Variants in NCOR1 observed in about 807,000 individuals in gnomAD.
The protein encoded by NCOR1 is protein phosphatase 1, regulatory subunit 109.
NCOR1 carries 63 observed loss-of-function variants against 288.1 expected under a neutral mutation model. The observed-to-expected ratio is 0.22, with a 90% CI of 0.18 to 0.27. The LOEUF is 0.27. NCOR1 is among the 10% of genes least tolerant of loss of function. The probability of loss-of-function intolerance (pLI) is 1.00; values close to 1 mark genes in which losing one functional copy is unlikely to be tolerated. For synonymous variants in NCOR1, 1,007 were observed against 1,065.9 expected (o/e 0.94, Z 1.08); for missense variants, 2,397 against 3,019.2 (o/e 0.79, Z 4.83).
Position 16,125,316 on chromosome 17 carries a change from T to C in NCOR1, c.1634+766A>G, listed in dbSNP as rs1009842140. Among the ~76,000 whole-genome samples the C allele has an allele frequency of 5.9e-5, 9 of 152,102 alleles. 1 individual carries two copies. The South Asian group carries it at 6.2e-4, about 11-fold the overall frequency. On this transcript the variant is annotated intron_variant, in intron 15 of 45. Coordinates refer to ENST00000268712, the MANE Select transcript of NCOR1 (RefSeq NM_006311.4). The stretch of plus-strand genomic sequence containing the variant: ...AGGCAGAGGTTGCAGTGAGCCAAGA[T>C]TGCGCCACTGCACTCCAGCCTGGGC...
intron 1 of NCOR1, among the ~76,000 whole-genome samples, chr17:16,202,924 A>G (rs534910668): frequency 2.0e-5 from 3 of 152,256 alleles, no homozygotes; most frequent in Non-Finnish European, 4.4e-5. Context: ...CAGAACTATC[A>G]AACACCTGTG....
At chr17:16,127,727 A>ATGTATATATGTGTGTG (rs2074952366) in intron 14 of NCOR1, among the ~76,000 whole-genome samples, 1 of 122,060 alleles carries the variant, frequency 8.2e-6, no homozygotes, top group African/African-American at 3.0e-5. Flanking sequence ...ATATACATAT[A>ATGTATATATGTGTGTG]TGTGTATATA....
At chr17:16,140,394 T>C (rs867050918) in intron 11 of NCOR1, among the ~76,000 whole-genome samples, 3 of 152,240 alleles carry the variant, frequency 2.0e-5, no homozygotes, top group African/African-American at 7.2e-5. Context: ...CTGGGCACAG[T>C]GGCTCACGCT....
intron 29 of NCOR1, 89 bp from the exon 30 acceptor site, chr17:16,071,754 G>T: frequency 8.3e-7 from 1 of 1,198,506 alleles, no homozygotes; most frequent in Non-Finnish European, 1.2e-6. Context: ...GGTTAAAATG[G>T]TAAATTTTGT....
At chr17:16,049,916 G>C (rs1411212331) in intron 40 of NCOR1, among the ~76,000 whole-genome samples, 1 of 152,008 alleles carries the variant, frequency 6.6e-6, no homozygotes, top group East Asian at 1.9e-4. Flanking sequence ...TTTAGAGACA[G>C]GGTCCCGCTC....
intron 3 of NCOR1, among the ~76,000 whole-genome samples, chr17:16,181,031 CG>C (rs1279399175): frequency 1.3e-5 from 2 of 152,018 alleles, no homozygotes; most frequent in Admixed American, 1.3e-4. Context: ...TGGTGGCACA[CG>C]CCTGTAGTCC....
intron 2 of NCOR1, among the ~76,000 whole-genome samples, chr17:16,192,323 G>C (rs1167816498): frequency 6.6e-6 from 1 of 152,100 alleles, no homozygotes; most frequent in Non-Finnish European, 1.5e-5. Context: ...AGACCAGCCT[G>C]GCCAACATAG....
chr17:16,135,686 G>A (rs901847170), intron 14 of NCOR1, among the ~76,000 whole-genome samples: 1 of 152,098 alleles, frequency 6.6e-6, no homozygotes, highest in African/African-American at 2.4e-5. Context: ...TGAAACACTC[G>A]CTATACTTTT....
chr17:16,201,516 T>C (rs879650932), intron 1 of NCOR1, among the ~76,000 whole-genome samples: 1 of 152,120 alleles, frequency 6.6e-6, no homozygotes, highest in Non-Finnish European at 1.5e-5. Context: ...GAGAATCACT[T>C]GAACTCAGGA....
chr17:16,091,587 A>G (rs971086743), intron 22 of NCOR1: 18 of 1,273,420 alleles, frequency 1.4e-5, no homozygotes, highest in Non-Finnish European at 1.8e-5. Flanking sequence ...AACATAAAGC[A>G]TAACTTTATT....
chr17:16,183,241 AAAAAG>A (rs1488003356), intron 3 of NCOR1, among the ~76,000 whole-genome samples: 11 of 150,504 alleles, frequency 7.3e-5, no homozygotes, highest in African/African-American at 2.2e-4. Context: ...AAAAAAAAAA[AAAAAG>A]AAAAGAAAAA....
intron 21 of NCOR1, among the ~76,000 whole-genome samples, chr17:16,092,650 TATATA>T (rs2065384260): frequency 0.02 from 268 of 13,158 alleles, 15 homozygotes; most frequent in African/African-American, 0.063. Flanking sequence ...GATCCATTTA[TATATA>T]TATATATATA....
chr17:16,043,060 C>G (rs1597732241), intron 42 of NCOR1, among the ~76,000 whole-genome samples: 1 of 152,072 alleles, frequency 6.6e-6, no homozygotes, highest in South Asian at 2.1e-4. Context: ...TCTAAGGAGA[C>G]AGAAGTGGCC....
chr17:16,164,979 T>C lies in NCOR1; in HGVS notation c.618A>G (p.Gln206=). Residue 206 remains glutamine (Q), a splice_region_variant and synonymous_variant, in exon 5 of 46, where the codon CAA becomes CAG. Coordinates refer to ENST00000268712, the MANE Select transcript of NCOR1 (RefSeq NM_006311.4). ...EQQILKLKKK[Q]QQLEEEAAKP... is the part of the protein sequence containing the mutation. ...GAATATATTAAGCAAAGACATTTAC[T>C]TGTTTCTTTTTCAGTTTAAGGATCT... The C allele has an allele frequency of 1.3e-6, 2 of 1,564,942 alleles. No homozygotes were observed. The highest frequency in any genetic ancestry group is 2.3e-5 in the East Asian group (1 of 43,456).
chr17:16,098,532 C>T (rs755044002), intron 20 of NCOR1, 36 bp from the exon 21 acceptor site: 1 of 1,572,664 alleles, frequency 6.4e-7, no homozygotes, highest in Non-Finnish European at 8.7e-7. Flanking sequence ...TAAATGAATA[C>T]ATTTTTAAGA....
chr17:16,180,952 A>C (rs538823544), intron 3 of NCOR1, among the ~76,000 whole-genome samples: 1 of 152,286 alleles, frequency 6.6e-6, no homozygotes, highest in Admixed American at 6.5e-5. Flanking sequence ...TGAGGTCTGG[A>C]GTTCAAGACC....
intron 10 of NCOR1, among the ~76,000 whole-genome samples, chr17:16,145,625 G>A (rs1480741013): frequency 6.6e-6 from 1 of 151,422 alleles, no homozygotes; most frequent in African/African-American, 2.4e-5. Context: ...CTGCCCGGCA[G>A]CCGCCCCGTC....
chr17:16,209,466 A>G (rs899050355), intron 1 of NCOR1, among the ~76,000 whole-genome samples: 2 of 152,074 alleles, frequency 1.3e-5, no homozygotes, highest in African/African-American at 4.8e-5. Flanking sequence ...TCATGCCTGT[A>G]ATCCCAGCAC....
chr17:16,047,177 A>G (rs2058766314), intron 41 of NCOR1, 84 bp from the exon 42 acceptor site: 1 of 1,409,434 alleles, frequency 7.1e-7, no homozygotes, highest in Non-Finnish European at 9.5e-7. Context: ...ACAGTCAGAG[A>G]GTACTTAGAA....
Sources: gnomAD v4.1 joint callset for allele counts (sites outside exome capture counted in the v4.1 genomes callset) on GRCh38, gnomAD v4.1.1 for gene constraint, MANE v1.5 for transcripts, NCBI Gene and HGNC (gene_info 2026-07-23, HGNC 2026-07-21) for gene names.